TNFRSF1B: variants seen among roughly 807,000 people sequenced by gnomAD.
The protein encoded by TNFRSF1B is tumor necrosis factor receptor superfamily member 1B.
TNFRSF1B carries 19 observed loss-of-function variants against 44.6 expected under a neutral mutation model. That is an observed-to-expected ratio of 0.43 (90% CI 0.30 to 0.62). TNFRSF1B has a LOEUF of 0.62. TNFRSF1B is among the 20% of genes least tolerant of loss of function. The pLI, the probability that TNFRSF1B is intolerant of heterozygous loss-of-function variation, is 0.16. For synonymous variants in TNFRSF1B, 252 were observed against 261.1 expected (o/e 0.97, Z 0.34); for missense variants, 541 against 619.9 (o/e 0.87, Z 1.35).
chr1:12,190,819 A>C, intron 2 of TNFRSF1B, 138 bp from the exon 3 acceptor site: 1 of 1,004,514 alleles, frequency 1.0e-6, no homozygotes, highest in Middle Eastern at 2.2e-4. Context: ...ATGGGAGATG[A>C]TTCTGAGGAA....
At chr1:12,205,085 T>A (rs1282385430) in intron 9 of TNFRSF1B, among the ~76,000 whole-genome samples, 1 of 151,756 alleles carries the variant, frequency 6.6e-6, no homozygotes. Flanking sequence ...AGCTGGGGGC[T>A]CTGGAGATCA....
chr1:12,183,732 TCTA>T (rs1557629169), intron 1 of TNFRSF1B, among the ~76,000 whole-genome samples: 3 of 122,474 alleles, frequency 2.4e-5, no homozygotes, highest in South Asian at 2.8e-4. Flanking sequence ...TATCTATCTA[TCTA>T]TCTATCTATC....
At chr1:12,192,348 A>T in intron 4 of TNFRSF1B, 83 bp from the exon 5 acceptor site, 1 of 1,290,886 alleles carries the variant, frequency 7.7e-7, no homozygotes. Flanking sequence ...GGCCCCTCAG[A>T]CCTCTCCTAG....
chr1:12,200,725 C>T (rs1175913700), intron 8 of TNFRSF1B, among the ~76,000 whole-genome samples: 1 of 152,110 alleles, frequency 6.6e-6, no homozygotes, highest in African/African-American at 2.4e-5. Flanking sequence ...CAGGTTCAAG[C>T]GATTCTCCTG....
chr1:12,188,852 C>T lies in TNFRSF1B; in HGVS notation c.135C>T (p.Tyr45=). 1 of 1,613,914 alleles carries T rather than the reference C, an allele frequency of 6.2e-7. No homozygotes were observed. Among genetic ancestry groups the T allele is most frequent in the Non-Finnish European group, 8.5e-7 (1 of 1,179,892 alleles). ...EPGSTCRLRE[Y]YDQTAQMCCS... is the part of the protein sequence containing the mutation. ...GGAGCACATGCCGGCTCAGAGAATA[C>T]TATGACCAGACAGCTCAGATGTGCT... The change falls in exon 2 of 10, where the codon TAC becomes TAT. Residue 45 remains tyrosine (Y), a synonymous_variant. Transcript: ENST00000376259.
chr1:12,192,455 G>A lies in TNFRSF1B; in HGVS notation c.482G>A (p.Cys161Tyr). The A allele has an allele frequency of 6.2e-7, 1 of 1,614,154 alleles. No individual in the cohort carries two copies. The highest frequency in any genetic ancestry group is 8.5e-7 in the Non-Finnish European group (1 of 1,180,012). Residue 161 changes from cysteine to tyrosine, a missense_variant, in exon 5 of 10, where the codon TGC (cysteine) becomes TAC (tyrosine). Transcript: ENST00000376259. Reference sequence around the variant, plus strand: ...GGAACTGAAACATCAGACGTGGTGTGCAAGCCCTGTGCCCCGGGGACGTTC... The same window carrying A: ...GGAACTGAAACATCAGACGTGGTGTACAAGCCCTGTGCCCCGGGGACGTTC... The part of the protein sequence containing the change: ...RPGTETSDVV[C>Y]KPCAPGTFSN...
intron 1 of TNFRSF1B, among the ~76,000 whole-genome samples, chr1:12,174,217 TCTCCTTCTCCTTCTCCTTCTC>T (rs1557623790): frequency 2.1e-5 from 3 of 141,588 alleles, no homozygotes. Context: ...TCCTTCTCCT[TCTCCTTCTCCTTCTCCTTCTC>T]CTTCTCCTTC....
At position 12,206,403 on chromosome 1, in the gene TNFRSF1B, G is replaced by A. The variant is rs547045014; in HGVS notation, c.1106-337G>A. Among the ~76,000 whole-genome samples the A allele has an allele frequency of 9.3e-4, 140 of 150,930 alleles. 1 individual carries two copies. The highest frequency in any genetic ancestry group is 2.7e-3 in the African/African-American group (110 of 41,142). On this transcript the variant is annotated intron_variant, in intron 9 of 9. Coordinates refer to ENST00000376259, the MANE Select transcript of TNFRSF1B (RefSeq NM_001066.3). ...GACAGAAGAGACAGGGTCTCACTAT[G>A]TTGCCCAGTCTGGTCTTGAACTCCT... is the stretch of plus-strand genomic sequence containing the variant.
intron 9 of TNFRSF1B, among the ~76,000 whole-genome samples, chr1:12,204,918 T>TA (rs1639469071): frequency 6.6e-6 from 1 of 151,934 alleles, no homozygotes; most frequent in African/African-American, 2.4e-5. Context: ...CTCATGCCTG[T>TA]AATCTCAGTA....
intron 8 of TNFRSF1B, among the ~76,000 whole-genome samples, chr1:12,198,428 C>T (rs1639316247): frequency 6.6e-6 from 1 of 152,150 alleles, no homozygotes; most frequent in African/African-American, 2.4e-5. Flanking sequence ...TCTCTCCTCG[C>T]CACCCCAGCG....
At chr1:12,176,221 A>G (rs1638652972) in intron 1 of TNFRSF1B, among the ~76,000 whole-genome samples, 1 of 152,152 alleles carries the variant, frequency 6.6e-6, no homozygotes. Flanking sequence ...CCTGTCTCAA[A>G]AAAGCAAAAC....
At chr1:12,182,379 C>T (rs903977335) in intron 1 of TNFRSF1B, among the ~76,000 whole-genome samples, 4 of 152,222 alleles carry the variant, frequency 2.6e-5, no homozygotes, top group African/African-American at 9.6e-5. Flanking sequence ...GGGCATCTCC[C>T]TGTCTCCCCG....
intron 1 of TNFRSF1B, among the ~76,000 whole-genome samples, chr1:12,167,814 C>G (rs5745956): frequency 0.037 from 5,633 of 152,176 alleles, 354 homozygotes; most frequent in African/African-American, 0.12. Context: ...GGGGACAGGG[C>G]AAGCGAGGGA....
At chr1:12,167,807 G>T (rs1195105932) in intron 1 of TNFRSF1B, among the ~76,000 whole-genome samples, 1 of 152,212 alleles carries the variant, frequency 6.6e-6, no homozygotes, top group African/African-American at 2.4e-5. Flanking sequence ...GGCCTCTGGG[G>T]ACAGGGCAAG....
rs200369976 is a variant in TNFRSF1B at position 12,183,690 on chromosome 1, A to AT, written c.79-5105dup. Among the ~76,000 whole-genome samples the AT allele has an allele frequency of 8.6e-4, 106 of 122,610 alleles. 1 individual carries two copies. Among genetic ancestry groups the AT allele is most frequent in the South Asian group, 2.0e-3 (7 of 3,482 alleles). 80.4% of individuals were successfully genotyped at this position (122,610 alleles called of 152,430 possible). A position where few individuals can be genotyped will look rare whatever the true frequency, so the allele number is the denominator to read the frequency against. On this transcript the variant is annotated intron_variant, in intron 1 of 9. Transcript: ENST00000376259. ...TATCTATCTATCTATCTATCTATCT[A>AT]TCTATCTATCTATCTATCTATTCTA...
At chr1:12,193,422 A>T (rs1639195443) in intron 6 of TNFRSF1B, among the ~76,000 whole-genome samples, 1 of 152,318 alleles carries the variant, frequency 6.6e-6, no homozygotes, top group Middle Eastern at 3.4e-3. Context: ...TAAAAAAATT[A>T]AAAAATTATT....
chr1:12,167,518 T>C, intron 1 of TNFRSF1B: 1 of 423,802 alleles, frequency 2.4e-6, no homozygotes, highest in South Asian at 2.0e-5. Context: ...GGACCCCTCT[T>C]CCCTCACCCC....
At chr1:12,206,242 C>T (rs1041981572) in intron 9 of TNFRSF1B, among the ~76,000 whole-genome samples, 22 of 151,396 alleles carry the variant, frequency 1.5e-4, no homozygotes, top group African/African-American at 4.4e-4. Flanking sequence ...TAGCAGGGTG[C>T]GGTGGCCTGT....
chr1:12,203,750 G>T (rs887842017), intron 9 of TNFRSF1B, among the ~76,000 whole-genome samples: 2 of 152,008 alleles, frequency 1.3e-5, no homozygotes. Flanking sequence ...ATGGGGTCTC[G>T]CTCGTCGCCT....
Sources: gnomAD v4.1 joint callset for allele counts (sites outside exome capture counted in the v4.1 genomes callset) on GRCh38, gnomAD v4.1.1 for gene constraint, MANE v1.5 for transcripts, NCBI Gene and HGNC (gene_info 2026-07-23, HGNC 2026-07-21) for gene names.